The following CNTNAP4 variants were observed in gnomAD, a reference collection of about 807,000 sequenced individuals.
The protein encoded by CNTNAP4 is contactin-associated protein-like 4.
A neutral mutation model predicts 148.4 loss-of-function variants in CNTNAP4; 98 were observed. The ratio of observed to expected loss-of-function variants is 0.66; its 90% CI spans 0.56 to 0.78. The LOEUF (loss-of-function observed/expected upper bound fraction) is 0.78. CNTNAP4 is among the 30% of genes least tolerant of loss of function. CNTNAP4 has a pLI of 0.00. For synonymous variants in CNTNAP4, 730 were observed against 565.1 expected, an observed-to-expected ratio of 1.29 and a Z score of -4.14; for missense variants, 1,935 against 1,565.6, an observed-to-expected ratio of 1.24 and a Z score of -3.98.
intron 3 of CNTNAP4, among the ~76,000 whole-genome samples, chr16:76,355,771 G>A (rs1274232624): frequency 1.4e-5 from 2 of 147,364 alleles, no homozygotes; most frequent in Non-Finnish European, 3.0e-5. Context: ...AATAGTGTGG[G>A]AGTCTAAGAA....
intron 3 of CNTNAP4, among the ~76,000 whole-genome samples, chr16:76,364,214 A>G (rs1428624275): frequency 1.4e-5 from 2 of 141,606 alleles, no homozygotes; most frequent in Admixed American, 7.3e-5. Context: ...AGCCTGGGCA[A>G]CAGAGCGAGA....
chr16:76,502,393 CCAAGTGAGGCT>C (rs2082686197), intron 15 of CNTNAP4, among the ~76,000 whole-genome samples: 1 of 140,210 alleles, frequency 7.1e-6, no homozygotes, highest in South Asian at 2.2e-4. Flanking sequence ...TTTTTCATTT[CCAAGTGAGGCT>C]CACTGGACAG....
intron 8 of CNTNAP4, among the ~76,000 whole-genome samples, chr16:76,461,179 T>C (rs2080946496): frequency 1.3e-5 from 2 of 152,148 alleles, no homozygotes; most frequent in Admixed American, 1.3e-4. Flanking sequence ...GGGGCCACTT[T>C]AAACAGTGAA....
At chr16:76,351,404 C>A (rs555666016) in intron 2 of CNTNAP4, among the ~76,000 whole-genome samples, 10 of 152,196 alleles carry the variant, frequency 6.6e-5, no homozygotes, top group African/African-American at 2.4e-4. Flanking sequence ...CAATTTATCT[C>A]TATCGCTCAG....
rs533879486 is a variant in CNTNAP4 at position 76,318,760 on chromosome 16, C to T, written c.196+2237C>T. Among the ~76,000 whole-genome samples, 6 of 136,490 alleles carry T rather than the reference C, an allele frequency of 4.4e-5. No individual in the cohort carries two copies. In the South Asian group the frequency reaches 1.3e-3, roughly 30 times the overall value. The allele number at this position is 136,490 out of a possible 152,430, so 89.5% of individuals were successfully genotyped here. ...TATTAATAATAATCATAATAATATT[C>T]ATAATAATAATCATAATCATAATAA... On this transcript the variant is annotated intron_variant, in intron 2 of 23. Transcript: ENST00000611870.
intron 21 of CNTNAP4, among the ~76,000 whole-genome samples, chr16:76,550,421 T>C (rs2084911731): frequency 6.6e-6 from 1 of 152,214 alleles, no homozygotes; most frequent in African/African-American, 2.4e-5. Context: ...TACAATAATT[T>C]TGAAATAGGT....
chr16:76,540,821 C>G, intron 21 of CNTNAP4, 31 bp downstream of exon 21: 1 of 1,422,892 alleles, frequency 7.0e-7, no homozygotes, highest in Non-Finnish European at 9.7e-7. Context: ...TTCCCCTAAC[C>G]ATGCTAATCA....
intron 15 of CNTNAP4, among the ~76,000 whole-genome samples, chr16:76,514,848 T>C (rs2083184815): frequency 1.3e-5 from 2 of 152,226 alleles, no homozygotes; most frequent in South Asian, 2.1e-4. Flanking sequence ...ATTTTATTTC[T>C]GTTAAAATCT....
chr16:76,516,621 G>T (rs2144055760), intron 15 of CNTNAP4, among the ~76,000 whole-genome samples: 1 of 152,316 alleles, frequency 6.6e-6, no homozygotes, highest in Admixed American at 6.5e-5. Flanking sequence ...GTTGACAAAA[G>T]CTTTATTGGT....
At chr16:76,324,877 C>T (rs1223017704) in intron 2 of CNTNAP4, among the ~76,000 whole-genome samples, 1 of 152,104 alleles carries the variant, frequency 6.6e-6, no homozygotes, top group Non-Finnish European at 1.5e-5. Flanking sequence ...ACCTAATTAC[C>T]TCCCAAAGGC....
intron 4 of CNTNAP4, among the ~76,000 whole-genome samples, chr16:76,439,843 G>A (rs2079968944): frequency 6.6e-6 from 1 of 152,038 alleles, no homozygotes; most frequent in Admixed American, 6.6e-5. Context: ...ATGCTACCAT[G>A]CAAAAATAGT....
intron 2 of CNTNAP4, among the ~76,000 whole-genome samples, chr16:76,338,115 A>T (rs1413131392): frequency 6.6e-6 from 1 of 152,228 alleles, no homozygotes; most frequent in Non-Finnish European, 1.5e-5. Flanking sequence ...GACATAAGAA[A>T]TTATAAGAGT....
At chr16:76,444,217 C>T (rs1015935792) in intron 4 of CNTNAP4, among the ~76,000 whole-genome samples, 1 of 152,012 alleles carries the variant, frequency 6.6e-6, no homozygotes, top group Non-Finnish European at 1.5e-5. Context: ...ATAGTTTCTA[C>T]CAGACAGAAG....
Position 76,405,177 on chromosome 16 carries a change from C to T in CNTNAP4, c.391-22275C>T, listed in dbSNP as rs570844918. Among the ~76,000 whole-genome samples, 5 of 151,368 alleles carry T rather than the reference C, an allele frequency of 3.3e-5. No homozygotes were observed. The East Asian group carries it at 9.7e-4, about 29-fold the overall frequency. ...AGTTTCTCATTGATAGACTTGTTTT[C>T]ACTATGACACTTATAAACACTTAAC... On this transcript the variant is annotated intron_variant, in intron 3 of 23. Coordinates refer to ENST00000611870, the MANE Select transcript of CNTNAP4 (RefSeq NM_033401.5).
intron 15 of CNTNAP4, among the ~76,000 whole-genome samples, chr16:76,503,676 C>CA (rs2082734181): frequency 6.6e-6 from 1 of 151,942 alleles, no homozygotes; most frequent in African/African-American, 2.4e-5. Flanking sequence ...TATCCCTCCC[C>CA]CTTCCCCCCA....
At chr16:76,512,334 G>T (rs2083061207) in intron 15 of CNTNAP4, among the ~76,000 whole-genome samples, 1 of 152,118 alleles carries the variant, frequency 6.6e-6, no homozygotes, top group South Asian at 2.1e-4. Flanking sequence ...AACCATTTAG[G>T]GGACCATATC....
At chr16:76,537,717 A>G (rs1183583698) in intron 18 of CNTNAP4, among the ~76,000 whole-genome samples, 2 of 152,082 alleles carry the variant, frequency 1.3e-5, no homozygotes, top group African/African-American at 4.8e-5. Flanking sequence ...CTTCCTAACT[A>G]TTTTGTAGAT....
chr16:76,358,246 G>A (rs1202250241), intron 3 of CNTNAP4, among the ~76,000 whole-genome samples: 2 of 152,150 alleles, frequency 1.3e-5, no homozygotes, highest in East Asian at 3.9e-4. Flanking sequence ...TGAGATGGGA[G>A]GATTACTGGA....
chr16:76,338,368 G>C (rs9921874), intron 2 of CNTNAP4, among the ~76,000 whole-genome samples: 24,441 of 152,000 alleles, frequency 0.16, 2,593 homozygotes, highest in East Asian at 0.49. Context: ...CTGCCCTCCT[G>C]TTGCCCCCTC....
Sources: gnomAD v4.1 joint callset for allele counts (sites outside exome capture counted in the v4.1 genomes callset) on GRCh38, gnomAD v4.1.1 for gene constraint, MANE v1.5 for transcripts, NCBI Gene and HGNC (gene_info 2026-07-23, HGNC 2026-07-21) for gene names.